Variants in SLC25A33 observed in about 807,000 individuals in gnomAD.
SLC25A33 encodes the protein solute carrier family 25 member 33, also known as bone marrow stromal cell mitochondrial carrier protein.
SLC25A33 carries 15 observed loss-of-function variants against 35.5 expected under a neutral mutation model. The ratio of observed to expected loss-of-function variants is 0.42; its 90% CI spans 0.28 to 0.65. The LOEUF is 0.65. Among genes scored for constraint, SLC25A33 ranks in the 30% least tolerant of loss-of-function variants. The pLI, the probability that SLC25A33 is intolerant of heterozygous loss-of-function variation, is 0.20. For missense variants in SLC25A33, 257 were observed against 398.5 expected (o/e 0.64, Z 3.02); for synonymous variants, 136 against 148.7 (o/e 0.91, Z 0.62).
At position 9,578,078 on chromosome 1, in the gene SLC25A33, C is replaced by T. The variant is rs982734101; in HGVS notation, c.483-1876C>T. 2.0e-5 allele frequency among the ~76,000 whole-genome samples: 3 copies of T among 152,040 alleles called. No individual in the cohort carries two copies. The highest frequency in any genetic ancestry group is 4.8e-5 in the African/African-American group (2 of 41,394). On this transcript the variant is annotated intron_variant, in intron 5 of 6. Coordinates refer to ENST00000302692, the MANE Select transcript of SLC25A33 (RefSeq NM_032315.3). This position sits in a 1 kb window ranked among gnomAD's most constrained non-coding sequence, Gnocchi z 4.3. ...GCTGGGAAGTGCCCGCCACCATGCC[C>T]GGCTAATTTTTTGTATTTTTTAGTA... is the stretch of plus-strand genomic sequence containing the variant.
chr1:9,564,765 T>TATATATATATATATATATATATACAC lies in SLC25A33; in HGVS notation c.237-2518_237-2517insTATATATATATATATATATATACACA, dbSNP rs59741987. Among the ~76,000 whole-genome samples the TATATATATATATATATATATATACAC allele has an allele frequency of 9.1e-4, 104 of 114,680 alleles. 1 individual carries two copies. The highest frequency in any genetic ancestry group is 1.9e-3 in the East Asian group (6 of 3,160). The allele number at this position is 114,680 out of a possible 152,430, so 75.2% of individuals were successfully genotyped here. A position where few individuals can be genotyped will look rare whatever the true frequency, so the allele number is the denominator to read the frequency against. ...ATATATATATATATATATATATATA[T>TATATATATATATATATATATATACAC]ACACAAAAATTAGCTGAGCGTGGTG... On this transcript the variant is annotated intron_variant, in intron 2 of 6. Coordinates refer to ENST00000302692, the MANE Select transcript of SLC25A33 (RefSeq NM_032315.3).
At chr1:9,573,649 C>A (rs891962726) in intron 5 of SLC25A33, among the ~76,000 whole-genome samples, 1 of 152,128 alleles carries the variant, frequency 6.6e-6, no homozygotes, top group African/African-American at 2.4e-5. Flanking sequence ...GGTTGTGTCC[C>A]CTGATCCGCA....
chr1:9,575,550 G>A (rs1162509439), intron 5 of SLC25A33, among the ~76,000 whole-genome samples: 2 of 151,666 alleles, frequency 1.3e-5, no homozygotes, highest in Non-Finnish European at 2.9e-5. Context: ...GGGAGGTGGA[G>A]GTTGCAGTGA....
At chr1:9,556,915 A>G (rs1643352571) in intron 2 of SLC25A33, among the ~76,000 whole-genome samples, 1 of 152,234 alleles carries the variant, frequency 6.6e-6, no homozygotes, top group Non-Finnish European at 1.5e-5. Context: ...CATCACTTAT[A>G]TATGAATACT....
chr1:9,570,074 A>G (rs1643566873), intron 3 of SLC25A33, among the ~76,000 whole-genome samples, 184 bp from the exon 4 acceptor site: 1 of 152,196 alleles, frequency 6.6e-6, no homozygotes, highest in Non-Finnish European at 1.5e-5. Context: ...TTCTGGAGGG[A>G]CACACAGGAG....
At chr1:9,579,072 G>A (rs1643701301) in intron 5 of SLC25A33, among the ~76,000 whole-genome samples, 1 of 152,220 alleles carries the variant, frequency 6.6e-6, no homozygotes, top group African/African-American at 2.4e-5. Flanking sequence ...CTCACAGTGG[G>A]CTGGAGGTCA....
chr1:9,568,470 AAAAC>A (rs1227518101), intron 3 of SLC25A33, among the ~76,000 whole-genome samples: 1 of 152,078 alleles, frequency 6.6e-6, no homozygotes, highest in Non-Finnish European at 1.5e-5. Flanking sequence ...ACAAAACAAA[AAAAC>A]TTCTTCCAGA....
At chr1:9,576,474 C>T (rs1304468122) in intron 5 of SLC25A33, 8 of 432,080 alleles carry the variant, frequency 1.9e-5, no homozygotes, top group Non-Finnish European at 3.6e-5. Context: ...CAGAAAATGT[C>T]AACATTACCC....
intron 2 of SLC25A33, among the ~76,000 whole-genome samples, chr1:9,559,603 G>A (rs954796480): frequency 2.6e-5 from 4 of 151,628 alleles, no homozygotes; most frequent in Admixed American, 1.3e-4. Flanking sequence ...CATACTCTTC[G>A]GGGGAAATTT....
chr1:9,541,785 T>C (rs1286370359), intron 1 of SLC25A33, among the ~76,000 whole-genome samples: 2 of 151,864 alleles, frequency 1.3e-5, no homozygotes, highest in Non-Finnish European at 2.9e-5. Context: ...TTACTGTTTT[T>C]AGTGAGGTGG....
chr1:9,573,307 A>T (rs763991432), intron 4 of SLC25A33, 39 bp from the exon 5 acceptor site: 1 of 1,413,994 alleles, frequency 7.1e-7, no homozygotes, highest in Non-Finnish European at 9.8e-7. Flanking sequence ...AGTATGGACT[A>T]TGTACAGTGT....
At chr1:9,574,353 A>G (rs1643632325) in intron 5 of SLC25A33, among the ~76,000 whole-genome samples, 1 of 152,028 alleles carries the variant, frequency 6.6e-6, no homozygotes, top group Admixed American at 6.6e-5. Context: ...GGCTTCCCAA[A>G]GTGCTGGTAT....
intron 4 of SLC25A33, among the ~76,000 whole-genome samples, chr1:9,572,919 T>A (rs559796461): frequency 3.8e-4 from 56 of 147,638 alleles, no homozygotes; most frequent in East Asian, 1.2e-3. Flanking sequence ...AAAAAAAAAA[T>A]TTTTTTAAAG....
Position 9,582,587 on chromosome 1 carries a change from A to G in SLC25A33, c.*86A>G. ...CCCATTGATGTTTAGAAAGTTTGAG[A>G]CTGAAACAGGAAAGGCCATAAAATA... On this transcript the variant is annotated 3_prime_UTR_variant, in exon 7 of 7. Coordinates refer to ENST00000302692, the MANE Select transcript of SLC25A33 (RefSeq NM_032315.3). The surrounding 1 kb of genome is among the most constrained non-coding windows in gnomAD (Gnocchi z 4.0). The G allele has an allele frequency of 1.5e-6, 2 of 1,336,938 alleles. No individual in the cohort carries two copies. The allele number at this position is 1,336,938 out of a possible 1,614,324, so 82.8% of individuals were successfully genotyped here.
intron 1 of SLC25A33, among the ~76,000 whole-genome samples, chr1:9,547,231 A>G (rs529780478): frequency 2.0e-5 from 3 of 152,294 alleles, no homozygotes; most frequent in African/African-American, 7.2e-5. Context: ...AGGTGGGCAG[A>G]TCACCTGAGG....
intron 5 of SLC25A33, among the ~76,000 whole-genome samples, chr1:9,575,228 A>T (rs976336382): frequency 2.6e-5 from 4 of 151,002 alleles, no homozygotes; most frequent in South Asian, 2.1e-4. Context: ...AAAAAAAAAA[A>T]AAAAAAATAA....
chr1:9,577,790 T>C (rs1643683271), intron 5 of SLC25A33, among the ~76,000 whole-genome samples: 1 of 151,976 alleles, frequency 6.6e-6, no homozygotes, highest in Admixed American at 6.6e-5. Context: ...ACAACTTAGG[T>C]GAGTGTTTTT....
intron 1 of SLC25A33, among the ~76,000 whole-genome samples, chr1:9,553,195 CTAGTT>C (rs1643290900): frequency 2.4e-5 from 1 of 41,084 alleles, no homozygotes; most frequent in Non-Finnish European, 5.3e-5. Flanking sequence ...TTATTGTGTT[CTAGTT>C]TTGTTTTTTT....
chr1:9,540,883 A>G (rs1189416780), intron 1 of SLC25A33, among the ~76,000 whole-genome samples: 1 of 152,198 alleles, frequency 6.6e-6, no homozygotes, highest in Non-Finnish European at 1.5e-5. Context: ...ACTTTAACCA[A>G]AAACTTCGGT....
Sources: gnomAD v4.1 joint callset for allele counts (sites outside exome capture counted in the v4.1 genomes callset) on GRCh38, gnomAD v4.1.1 for gene constraint, Gnocchi (gnomAD v3.1) non-coding constraint, MANE v1.5 for transcripts, NCBI Gene and HGNC (gene_info 2026-07-23, HGNC 2026-07-21) for gene names.